Variants in ART3 observed in about 807,000 individuals in gnomAD.
ART3 encodes ADP-ribosyltransferase 3 (inactive), also known as ecto-ADP-ribosyltransferase 3.
ART3 carries 49 observed loss-of-function variants against 48.5 expected under a neutral mutation model. The ratio of observed to expected loss-of-function variants is 1.01; its 90% CI spans 0.80 to 1.28. ART3 has a LOEUF of 1.28. Ranked by LOEUF, ART3 falls within the 50% of genes most tolerant of loss-of-function variation. The pLI is 0.00. For synonymous variants in ART3, 145 were observed against 157.2 expected (o/e 0.92, Z 0.58); for missense variants, 438 against 454.3 (o/e 0.96, Z 0.33).
chr4:76,110,174 T>A (rs1235027679), intron 11 of ART3, among the ~76,000 whole-genome samples: 1 of 152,232 alleles, frequency 6.6e-6, no homozygotes, highest in African/African-American at 2.4e-5. Context: ...GTTAGCCCTC[T>A]GTATCCTCTG....
intron 1 of ART3, among the ~76,000 whole-genome samples, chr4:76,057,052 TTG>T (rs1255950941): frequency 2.0e-5 from 3 of 152,312 alleles, no homozygotes; most frequent in African/African-American, 7.2e-5. Context: ...ATCCCTCAGT[TTG>T]TCTTATCTGA....
chr4:76,066,424 C>T (rs1429269781), intron 1 of ART3, among the ~76,000 whole-genome samples: 2 of 152,154 alleles, frequency 1.3e-5, no homozygotes, highest in African/African-American at 2.4e-5. Context: ...CAGCTCTCAA[C>T]AGAGAGGAGG....
intron 1 of ART3, among the ~76,000 whole-genome samples, chr4:76,062,637 G>T (rs534987486): frequency 2.0e-4 from 28 of 140,406 alleles, no homozygotes; most frequent in South Asian, 4.5e-4. Flanking sequence ...CTCGGCTCAC[G>T]GCAAGCTCCG....
chr4:76,020,107 C>T (rs1423084022), intron 1 of ART3, among the ~76,000 whole-genome samples: 3 of 148,784 alleles, frequency 2.0e-5, no homozygotes, highest in Non-Finnish European at 4.4e-5. Context: ...TTACTCACTT[C>T]TGTTTCCTTT....
chr4:76,045,917 G>A (rs1735460676), intron 1 of ART3, among the ~76,000 whole-genome samples: 1 of 152,010 alleles, frequency 6.6e-6, no homozygotes, highest in Non-Finnish European at 1.5e-5. Context: ...GAGGGCCCTG[G>A]TCCCTTTGGC....
At chr4:76,018,883 C>CA (rs1454466076) in intron 1 of ART3, among the ~76,000 whole-genome samples, 6 of 150,832 alleles carry the variant, frequency 4.0e-5, no homozygotes, top group African/African-American at 1.2e-4. Flanking sequence ...CCAAAAATAC[C>CA]AAAAAAAATT....
At chr4:76,083,016 A>G (rs2149563284) in intron 3 of ART3, among the ~76,000 whole-genome samples, 1 of 152,248 alleles carries the variant, frequency 6.6e-6, no homozygotes, top group East Asian at 1.9e-4. Context: ...TAGGGAGACC[A>G]CCATTTCTGC....
At chr4:76,039,991 T>A (rs1734788943) in intron 1 of ART3, among the ~76,000 whole-genome samples, 1 of 152,218 alleles carries the variant, frequency 6.6e-6, no homozygotes, top group African/African-American at 2.4e-5. Flanking sequence ...TCTATTGTTT[T>A]ATTTTCTTCC....
At chr4:76,075,599 T>C (rs1720870569) in intron 1 of ART3, among the ~76,000 whole-genome samples, 1 of 152,140 alleles carries the variant, frequency 6.6e-6, no homozygotes, top group African/African-American at 2.4e-5. Flanking sequence ...GTGGGAGAGA[T>C]GACATGTCTG....
intron 1 of ART3, among the ~76,000 whole-genome samples, chr4:76,040,687 A>G (rs75494991): frequency 0.13 from 19,161 of 152,040 alleles, 1,657 homozygotes; most frequent in East Asian, 0.39. Flanking sequence ...GGAGGGGGCT[A>G]TCCCTCCCCC....
chr4:76,036,564 G>A (rs924552195), intron 1 of ART3, among the ~76,000 whole-genome samples: 1 of 151,948 alleles, frequency 6.6e-6, no homozygotes, highest in Admixed American at 6.5e-5. Flanking sequence ...GTAAATGAGT[G>A]CCTAAAGAAG....
rs370331395 is a variant in ART3, at chr4:76,057,778, A to G, written c.-9-18103A>G. On this transcript the variant is annotated intron_variant, in intron 1 of 9. Coordinates refer to the ART3 transcript ENST00000341029. Reference sequence around the variant, plus strand: ...TTTGGATCCAGAAATCAATTACAGCATACTGGCTTTCAATGTGCTATATAT... The same window carrying G: ...TTTGGATCCAGAAATCAATTACAGCGTACTGGCTTTCAATGTGCTATATAT... Among the ~76,000 whole-genome samples the G allele has an allele frequency of 9.2e-5, 14 of 152,360 alleles. No individual in the cohort carries two copies. The East Asian group carries it at 2.5e-3, about 27-fold the overall frequency.
At chr4:76,031,400 GTT>G (rs1039916670) in intron 1 of ART3, among the ~76,000 whole-genome samples, 3 of 152,134 alleles carry the variant, frequency 2.0e-5, no homozygotes, top group Admixed American at 6.5e-5. Flanking sequence ...ATGCCTTGAA[GTT>G]TTGGAAATAC....
chr4:76,018,351 T>A (rs1355102711), intron 1 of ART3, among the ~76,000 whole-genome samples: 5 of 152,144 alleles, frequency 3.3e-5, no homozygotes, highest in Non-Finnish European at 1.5e-5. Context: ...AACCAAATAC[T>A]GCATGTTCTC....
At chr4:76,077,828 G>A (rs1721469834) in intron 2 of ART3, among the ~76,000 whole-genome samples, 1 of 152,042 alleles carries the variant, frequency 6.6e-6, no homozygotes. Context: ...CAGTATATTA[G>A]GATTCTAATA....
intron 1 of ART3, among the ~76,000 whole-genome samples, chr4:76,066,325 G>A (rs548629143): frequency 6.6e-6 from 1 of 152,248 alleles, no homozygotes; most frequent in Admixed American, 6.5e-5. Flanking sequence ...AAGAAGAAGA[G>A]GAGATTTATT....
At chr4:76,035,089 T>C in intron 1 of ART3, 1 of 1,613,922 alleles carries the variant, frequency 6.2e-7, no homozygotes, top group Non-Finnish European at 8.5e-7. Flanking sequence ...GATTTAGGCA[T>C]CGTTGTCCTT....
Position 76,098,952 on chromosome 4 carries a change from C to A in ART3, c.815-3C>A, listed in dbSNP as rs550543135. 22 of 1,604,800 alleles carry A rather than the reference C, an allele frequency of 1.4e-5. No individual in the cohort carries two copies. The South Asian group carries it at 2.2e-4, about 16-fold the overall frequency. On this transcript the variant is annotated splice_polypyrimidine_tract_variant and splice_region_variant and intron_variant, in intron 4 of 11. Transcript: ENST00000355810. The stretch of plus-strand genomic sequence containing the variant: ...ATGTAATGAAAACATGTCTGTATTT[C>A]AGAATATTTTCAACCCATCTATGTC...
chr4:76,056,094 T>C (rs1214824699), intron 1 of ART3, among the ~76,000 whole-genome samples: 1 of 152,196 alleles, frequency 6.6e-6, no homozygotes, highest in Admixed American at 6.5e-5. Flanking sequence ...GAAACTACTT[T>C]AAGACTTCGG....
Sources: gnomAD v4.1 joint callset for allele counts (sites outside exome capture counted in the v4.1 genomes callset) on GRCh38, gnomAD v4.1.1 for gene constraint, MANE v1.5 for transcripts, NCBI Gene and HGNC (gene_info 2026-07-23, HGNC 2026-07-21) for gene names.